SESTD1: variants seen among roughly 807,000 people sequenced by gnomAD.
SESTD1 encodes the protein SEC14 domain and spectrin repeat-containing protein 1.
A neutral mutation model predicts 101.7 loss-of-function variants in SESTD1; 43 were observed. The ratio of observed to expected loss-of-function variants is 0.42; its 90% CI spans 0.33 to 0.55. The LOEUF is 0.55. Ranked by LOEUF, SESTD1 falls within the 20% of genes least tolerant of loss-of-function variation. The probability of loss-of-function intolerance (pLI) is 0.07; values close to 1 mark genes in which losing one functional copy is unlikely to be tolerated. For synonymous variants in SESTD1, 283 were observed against 286.8 expected (o/e 0.99, Z 0.13); for missense variants, 647 against 815.1 (o/e 0.79, Z 2.51).
intron 1 of SESTD1, among the ~76,000 whole-genome samples, chr2:179,195,808 G>A (rs778961118): frequency 1.3e-5 from 2 of 150,688 alleles, no homozygotes; most frequent in African/African-American, 2.5e-5. Context: ...CATGAAGAAG[G>A]TTATAAAGGT....
chr2:179,172,075 A>G, intron 5 of SESTD1, 45 bp downstream of exon 5: 1 of 1,255,066 alleles, frequency 8.0e-7, no homozygotes, highest in Non-Finnish European at 1.1e-6. Context: ...GTAAAATACT[A>G]TTTTTAAAGA....
chr2:179,216,455 C>A lies in SESTD1; in HGVS notation c.-25-24589G>T, dbSNP rs1468545552. ...GAAGGACCTCTTCAAGGAGAACTAC[C>A]AACCACTGCTCAATGAAATAAAAGA... On this transcript the variant is annotated intron_variant, in intron 1 of 17. Transcript: ENST00000428443. Among the ~76,000 whole-genome samples, 14 of 134,380 alleles carry A rather than the reference C, an allele frequency of 1.0e-4. 4 individuals carry two copies. The highest frequency in any genetic ancestry group is 1.9e-4 in the Non-Finnish European group (12 of 62,608). 88.2% of individuals were successfully genotyped at this position (134,380 alleles called of 152,430 possible).
intron 1 of SESTD1, among the ~76,000 whole-genome samples, chr2:179,229,261 G>C (rs2046939140): frequency 6.6e-6 from 1 of 152,178 alleles, no homozygotes; most frequent in Admixed American, 6.5e-5. Flanking sequence ...CCCAATGTAA[G>C]TGAGCATCAT....
At chr2:179,240,625 A>G (rs2047138105) in intron 1 of SESTD1, among the ~76,000 whole-genome samples, 1 of 152,092 alleles carries the variant, frequency 6.6e-6, no homozygotes, top group South Asian at 2.1e-4. Flanking sequence ...GTCCAGCAAG[A>G]AAAAAAACTT....
At chr2:179,143,832 A>G (rs761185883) in intron 8 of SESTD1, 29 bp from the exon 9 acceptor site, 4 of 1,602,046 alleles carry the variant, frequency 2.5e-6, no homozygotes. Flanking sequence ...CTTGAAATTA[A>G]TATCTGTAAA....
At chr2:179,153,523 T>C (rs1209422953) in intron 5 of SESTD1, among the ~76,000 whole-genome samples, 2 of 152,172 alleles carry the variant, frequency 1.3e-5, no homozygotes, top group Non-Finnish European at 2.9e-5. Flanking sequence ...CACACACTTA[T>C]ATGTATGTGT....
chr2:179,219,765 C>G (rs891770655), intron 1 of SESTD1, among the ~76,000 whole-genome samples: 6 of 152,262 alleles, frequency 3.9e-5, no homozygotes, highest in African/African-American at 1.4e-4. Context: ...TCTGGTTTTG[C>G]AACAATATTG....
chr2:179,151,314 G>A lies in SESTD1; in HGVS notation c.447C>T (p.Leu149=), dbSNP rs183043784. The A allele has an allele frequency of 8.5e-5, 137 of 1,608,512 alleles. 1 individual carries two copies. The East Asian group carries it at 3.0e-3, about 36-fold the overall frequency. ...CQLTEDFGGS[L]TYDHMDWLNK... is the part of the protein sequence containing the mutation. Reference sequence around the variant, plus strand: ...TTAACCAGTCCATGTGATCATAGGTGAGACTCCCACCAAAATCTTCTGTTA... The same window carrying A: ...TTAACCAGTCCATGTGATCATAGGTAAGACTCCCACCAAAATCTTCTGTTA... The change falls in exon 6 of 18, where the codon CTC becomes CTT. Residue 149 remains leucine (L), a synonymous_variant. Transcript: ENST00000428443.
chr2:179,116,219 A>G (rs978688161), intron 15 of SESTD1, among the ~76,000 whole-genome samples: 6 of 151,756 alleles, frequency 4.0e-5, no homozygotes, highest in African/African-American at 1.5e-4. Flanking sequence ...GGTTGCAGTG[A>G]GCTGAGATTG....
rs746368128 is a variant in SESTD1, at chr2:179,106,398, A to C, written c.*3501T>G. The C allele has an allele frequency of 1.4e-4, 21 of 152,300 alleles. 1 individual carries two copies. Among genetic ancestry groups the C allele is most frequent in the Admixed American group, 3.3e-4 (5 of 15,280 alleles). The allele number at this position is 152,300 out of a possible 1,614,324, so 9.4% of individuals were successfully genotyped here. ...TAATGCCCAATCTCTATTAGCAAGT[A>C]ACTTACAATGTAGTAGAGAATTCTG... On this transcript the variant is annotated 3_prime_UTR_variant, in exon 18 of 18. Coordinates refer to ENST00000428443, the MANE Select transcript of SESTD1 (RefSeq NM_178123.5).
Position 179,145,786 on chromosome 2 carries a change from A to C in SESTD1, c.637+616T>G, listed in dbSNP as rs190063802. ...AAGTCATTTTGGCTTCCTGCAGTACAAAATAGATAAAATAATACTAATTAT... is the reference window on the plus strand; with the variant it reads ...AAGTCATTTTGGCTTCCTGCAGTACCAAATAGATAAAATAATACTAATTAT... On this transcript the variant is annotated intron_variant, in intron 8 of 17. Transcript: ENST00000428443. 3.1e-3 allele frequency among the ~76,000 whole-genome samples: 478 copies of C among 152,346 alleles called. 5 individuals carry two copies. Among genetic ancestry groups the C allele is most frequent in the African/African-American group, 0.011 (462 of 41,582 alleles).
chr2:179,210,043 C>T (rs1229801930), intron 1 of SESTD1, among the ~76,000 whole-genome samples: 3 of 132,724 alleles, frequency 2.3e-5, no homozygotes, highest in Non-Finnish European at 3.2e-5. Context: ...CGAGATCATT[C>T]AAGGCTGCCA....
At chr2:179,218,729 G>A (rs1436022363) in intron 1 of SESTD1, among the ~76,000 whole-genome samples, 2 of 152,154 alleles carry the variant, frequency 1.3e-5, no homozygotes, top group East Asian at 3.8e-4. Flanking sequence ...CAGTATTGTG[G>A]AGATTTAAAG....
chr2:179,213,257 G>A (rs2046674907), intron 1 of SESTD1, among the ~76,000 whole-genome samples: 1 of 134,534 alleles, frequency 7.4e-6, no homozygotes, highest in Admixed American at 7.2e-5. Context: ...TTGAAAAAAC[G>A]TTAGACAAAT....
At chr2:179,173,218 T>C (rs1438229892) in intron 4 of SESTD1, among the ~76,000 whole-genome samples, 16 of 152,174 alleles carry the variant, frequency 1.1e-4, no homozygotes, top group Non-Finnish European at 2.9e-5. Context: ...TCTATTCAAA[T>C]ATTCCCTCTT....
At position 179,168,771 on chromosome 2, in the gene SESTD1, TAAAAG is replaced by T. The variant is rs139177871; in HGVS notation, c.369+3344_369+3348del. On this transcript the variant is annotated intron_variant, in intron 5 of 17. Coordinates refer to ENST00000428443, the MANE Select transcript of SESTD1 (RefSeq NM_178123.5). ...ATTAATTTAAAATTTTTAATTGCTG[TAAAAG>T]AAAACAGATTATCTGTAGCAAAAAA... Among the ~76,000 whole-genome samples the T allele has an allele frequency of 8.5e-3, 1,295 of 152,298 alleles. 10 individuals carry two copies. Among genetic ancestry groups the T allele is most frequent in the African/African-American group, 0.029 (1,206 of 41,572 alleles).
chr2:179,127,861 C>A (rs1038614201), intron 10 of SESTD1, among the ~76,000 whole-genome samples: 1 of 152,108 alleles, frequency 6.6e-6, no homozygotes, highest in South Asian at 2.1e-4. Context: ...GAAAATATTA[C>A]CTCAGAAAAT....
intron 1 of SESTD1, among the ~76,000 whole-genome samples, chr2:179,237,766 CAG>C (rs1160134469): frequency 6.6e-6 from 1 of 152,130 alleles, no homozygotes; most frequent in Non-Finnish European, 1.5e-5. Context: ...TGTTTGAGTA[CAG>C]AGACTTGCCC....
chr2:179,157,801 A>G (rs2045659989), intron 5 of SESTD1, among the ~76,000 whole-genome samples: 2 of 152,184 alleles, frequency 1.3e-5, no homozygotes, highest in South Asian at 2.1e-4. Flanking sequence ...ATGAGGATGA[A>G]TAAGATATGC....
Sources: gnomAD v4.1 joint callset for allele counts (sites outside exome capture counted in the v4.1 genomes callset) on GRCh38, gnomAD v4.1.1 for gene constraint, MANE v1.5 for transcripts, NCBI Gene and HGNC (gene_info 2026-07-23, HGNC 2026-07-21) for gene names.